RTN1: variants seen among roughly 807,000 people sequenced by gnomAD.
RTN1 encodes the protein reticulon 1.
RTN1 carries 25 observed loss-of-function variants against 65.5 expected under a neutral mutation model. The observed-to-expected ratio is 0.38, with a 90% confidence interval of 0.28 to 0.53. The LOEUF (loss-of-function observed/expected upper bound fraction) is 0.53, where lower values mean the gene tolerates loss of function less well. Among genes scored for constraint, RTN1 ranks in the 20% least tolerant of loss-of-function variants. The probability of loss-of-function intolerance (pLI) is 0.79; values close to 1 mark genes in which losing one functional copy is unlikely to be tolerated. For synonymous variants in RTN1, 471 were observed against 447.6 expected, an observed-to-expected ratio of 1.05 and a Z score of -0.66; for missense variants, 983 against 1,025.4, an observed-to-expected ratio of 0.96 and a Z score of 0.57.
At chr14:59,770,586 A>G (rs150172481) in intron 1 of RTN1, among the ~76,000 whole-genome samples, 35 of 152,174 alleles carry the variant, frequency 2.3e-4, no homozygotes, top group African/African-American at 7.0e-4. Context: ...AAAGCTTTAT[A>G]TATGTATTTA....
At chr14:59,735,629 A>C (rs1383525976) in intron 2 of RTN1, among the ~76,000 whole-genome samples, 3 of 152,242 alleles carry the variant, frequency 2.0e-5, no homozygotes, top group Non-Finnish European at 4.4e-5. Context: ...CAAATATCAA[A>C]AAAGATAAAG....
chr14:59,644,080 A>G (rs1236203017), intron 3 of RTN1, among the ~76,000 whole-genome samples: 1 of 152,196 alleles, frequency 6.6e-6, no homozygotes, highest in Non-Finnish European at 1.5e-5. Context: ...TCTAAAAGGG[A>G]GCTAACAGGA....
chr14:59,751,897 C>A (rs1024909632), intron 1 of RTN1, among the ~76,000 whole-genome samples: 1 of 152,180 alleles, frequency 6.6e-6, no homozygotes, highest in Non-Finnish European at 1.5e-5. Flanking sequence ...ATGTGAATTC[C>A]ACCTGGTCAC....
At chr14:59,768,478 A>T (rs961793047) in intron 1 of RTN1, among the ~76,000 whole-genome samples, 1 of 151,928 alleles carries the variant, frequency 6.6e-6, no homozygotes. Flanking sequence ...GTGTGACTCT[A>T]CTCCTAGAAT....
At chr14:59,740,867 C>T (rs1055677886) in intron 2 of RTN1, among the ~76,000 whole-genome samples, 9 of 152,290 alleles carry the variant, frequency 5.9e-5, no homozygotes, top group South Asian at 2.1e-4. Context: ...CGTATCAAGA[C>T]TGACACTGCA....
chr14:59,659,536 G>C (rs1275996334), intron 3 of RTN1, among the ~76,000 whole-genome samples: 1 of 152,170 alleles, frequency 6.6e-6, no homozygotes, highest in Non-Finnish European at 1.5e-5. Flanking sequence ...ACTAGCAGTG[G>C]ATCTCTCAGC....
At chr14:59,603,013 A>T in intron 8 of RTN1, 52 bp downstream of exon 8, 1 of 1,470,874 alleles carries the variant, frequency 6.8e-7, no homozygotes, top group South Asian at 1.2e-5. Context: ...AATCCACTCA[A>T]ATGCTGATGT....
chr14:59,727,399 A>G lies in RTN1; in HGVS notation c.1285T>C (p.Ser429Pro). 6.5e-7 allele frequency: 1 copy of G among 1,545,428 alleles called. No homozygotes were observed. The highest frequency in any genetic ancestry group is 2.0e-5 in the Admixed American group (1 of 50,938). ...ACGTGGCCAAAGCTCACATAGCCTGAGGGCAGCGCGTCCTCCGCGGCCATG... is the reference window on the plus strand; with the variant it reads ...ACGTGGCCAAAGCTCACATAGCCTGGGGGCAGCGCGTCCTCCGCGGCCATG... ...DPMAAEDALPSGYVSFGHVGG... is the reference protein window; with the variant it reads ...DPMAAEDALPPGYVSFGHVGG... Residue 429 changes from serine to proline, a missense_variant, in exon 3 of 9, where the codon TCA becomes CCA. Around this residue, in one of 2 missense-constraint regions of RTN1, gnomAD observed 818 missense variants for 801.8 expected, o/e 1.02. Coordinates refer to ENST00000267484, the MANE Select transcript of RTN1 (RefSeq NM_021136.3). The surrounding 1 kb of genome is among the most constrained non-coding windows in gnomAD (Gnocchi z 4.2).
chr14:59,845,717 A>T (rs990454094), intron 1 of RTN1, among the ~76,000 whole-genome samples: 2 of 152,192 alleles, frequency 1.3e-5, no homozygotes, highest in Non-Finnish European at 2.9e-5. Flanking sequence ...CTTGTCATGC[A>T]TAGAACTACT....
chr14:59,772,951 C>T (rs183486532), intron 1 of RTN1, among the ~76,000 whole-genome samples: 2 of 152,100 alleles, frequency 1.3e-5, no homozygotes, highest in South Asian at 4.1e-4. Context: ...ATAATAGCAT[C>T]CTACTGTCCA....
In RTN1 at chr14:59,833,042, TC is replaced by T. The variant is rs552481089; in HGVS notation, c.241+37347del. On this transcript the variant is annotated intron_variant, in intron 1 of 8. Transcript: ENST00000267484. Reference sequence around the variant, plus strand: ...GCGATAAATGGTCATTGAATCCATTTCCTTTTCTCCTCCTTTCCTTACAGTG... The same window carrying T: ...GCGATAAATGGTCATTGAATCCATTTCTTTTCTCCTCCTTTCCTTACAGTG... Among the ~76,000 whole-genome samples the T allele has an allele frequency of 3.2e-3, 486 of 152,344 alleles. 2 individuals carry two copies. Among genetic ancestry groups the T allele is most frequent in the African/African-American group, 0.011 (455 of 41,580 alleles).
At chr14:59,699,005 A>G (rs1442384525) in intron 3 of RTN1, among the ~76,000 whole-genome samples, 2 of 152,184 alleles carry the variant, frequency 1.3e-5, no homozygotes, top group Non-Finnish European at 2.9e-5. Context: ...AGTAGATTCA[A>G]ATATTGAGCA....
At chr14:59,749,424 A>ATC (rs1475670022) in intron 1 of RTN1, among the ~76,000 whole-genome samples, 1 of 101,298 alleles carries the variant, frequency 9.9e-6, no homozygotes, top group Non-Finnish European at 1.7e-5. Flanking sequence ...ATATATCTAT[A>ATC]TATCTATATA....
intron 1 of RTN1, among the ~76,000 whole-genome samples, chr14:59,853,412 GC>G (rs1209298012): frequency 6.6e-6 from 1 of 152,120 alleles, no homozygotes; most frequent in Non-Finnish European, 1.5e-5. Flanking sequence ...ACATAAACAT[GC>G]CCAGACCCTA....
At chr14:59,681,993 T>G (rs764670149) in intron 3 of RTN1, among the ~76,000 whole-genome samples, 2 of 152,196 alleles carry the variant, frequency 1.3e-5, no homozygotes, top group Non-Finnish European at 2.9e-5. Context: ...TCTGTCCTTC[T>G]CATGGAGAAA....
rs1885850520 is a variant in RTN1 at position 59,766,336 on chromosome 14, G to T, written c.242-19855C>A. On this transcript the variant is annotated intron_variant, in intron 1 of 8. Coordinates refer to ENST00000267484, the MANE Select transcript of RTN1 (RefSeq NM_021136.3). The surrounding 1 kb of genome is among the most constrained non-coding windows in gnomAD (Gnocchi z 4.4). ...AAAGAGCAGCTGGATAGAAAACAGA[G>T]AATTAAATTTTCCTGTCCTAAGTGT... Among the ~76,000 whole-genome samples, 1 of 152,198 alleles carries T rather than the reference G, an allele frequency of 6.6e-6. No individual in the cohort carries two copies. Among genetic ancestry groups the T allele is most frequent in the Admixed American group, 6.5e-5 (1 of 15,278 alleles).
intron 1 of RTN1, among the ~76,000 whole-genome samples, chr14:59,806,155 G>A (rs1390414757): frequency 4.6e-5 from 7 of 152,156 alleles, no homozygotes; most frequent in East Asian, 1.9e-4. Flanking sequence ...AGAATCACTC[G>A]AACCTGGGAG....
chr14:59,732,308 A>G (rs73311584), intron 2 of RTN1, among the ~76,000 whole-genome samples: 2,317 of 152,338 alleles, frequency 0.015, 62 homozygotes, highest in African/African-American at 0.053. Context: ...AAGTAGGTAT[A>G]TGGAGCGGCC....
intron 1 of RTN1, among the ~76,000 whole-genome samples, chr14:59,789,119 C>A (rs980962523): frequency 6.6e-6 from 1 of 151,468 alleles, no homozygotes; most frequent in Non-Finnish European, 1.5e-5. Context: ...TTATTTATTT[C>A]TTTAGCTTAA....
Sources: gnomAD v4.1 joint callset for allele counts (sites outside exome capture counted in the v4.1 genomes callset) on GRCh38, gnomAD v4.1.1 for gene constraint, gnomAD v4.1.1 regional missense constraint, Gnocchi (gnomAD v3.1) non-coding constraint, MANE v1.5 for transcripts, NCBI Gene and HGNC (gene_info 2026-07-23, HGNC 2026-07-21) for gene names.